Variants in MAP3K8 observed in about 807,000 individuals in gnomAD.
The protein encoded by MAP3K8 is mitogen-activated protein kinase kinase kinase 8, also known as Ewing sarcoma transformant.
MAP3K8 carries 22 observed loss-of-function variants against 45.8 expected under a neutral mutation model. The observed-to-expected ratio is 0.48, with a 90% confidence interval of 0.34 to 0.69. The LOEUF is 0.69. MAP3K8 is among the 30% of genes least tolerant of loss of function. MAP3K8 has a pLI of 0.01. For synonymous variants in MAP3K8, 223 were observed against 214.3 expected, an observed-to-expected ratio of 1.04 and a Z score of -0.36; for missense variants, 419 against 585.0, an observed-to-expected ratio of 0.72 and a Z score of 2.93.
At chr10:30,437,041 T>C in intron 1 of MAP3K8, 135 bp from the exon 2 acceptor site, 2 of 271,644 alleles carry the variant, frequency 7.4e-6, no homozygotes, top group Non-Finnish European at 1.1e-5. Context: ...TGAATCACAA[T>C]CTCCCTCGAA....
intron 1 of MAP3K8, among the ~76,000 whole-genome samples, chr10:30,436,441 A>G (rs949816882): frequency 6.6e-6 from 1 of 151,126 alleles, no homozygotes; most frequent in Non-Finnish European, 1.5e-5. Context: ...AGCGTCAGAC[A>G]CTCCTCCACC....
chr10:30,455,320 A>G (rs2132825736), intron 6 of MAP3K8, among the ~76,000 whole-genome samples: 1 of 152,360 alleles, frequency 6.6e-6, no homozygotes, highest in South Asian at 2.1e-4. Context: ...AGGAGATCTA[A>G]TTAGTCAACT....
Position 30,459,501 on chromosome 10 carries a change from G to A in MAP3K8, c.1273G>A (p.Asp425Asn). ...KELELPENIA[D>N]SSCTGSTEES... ...GCTGGAACTTCCTGAGAACATTGCT[G>A]GTAGGGACACCCTGCTGTGTGCCGC... Residue 425 changes from aspartate (D) to asparagine (N), a missense_variant and splice_region_variant, in exon 8 of 9, where the codon GAT (aspartate) becomes AAT (asparagine). By Grantham distance (23) the Asp-to-Asn change is conservative. Coordinates refer to ENST00000263056, the MANE Select transcript of MAP3K8 (RefSeq NM_005204.4). The A allele has an allele frequency of 1.2e-6, 2 of 1,613,406 alleles. No individual in the cohort carries two copies. Among genetic ancestry groups the A allele is most frequent in the Non-Finnish European group, 1.7e-6 (2 of 1,179,946 alleles).
chr10:30,448,276 G>A (rs1193333607), intron 4 of MAP3K8, among the ~76,000 whole-genome samples: 2 of 152,104 alleles, frequency 1.3e-5, no homozygotes, highest in African/African-American at 4.8e-5. Flanking sequence ...GCAATTCTCT[G>A]TGCTTCTCCT....
Position 30,458,272 on chromosome 10 carries a change from G to GGA in MAP3K8, c.1026+37_1026+38insAG, listed in dbSNP as rs753493659. 4.2e-5 allele frequency: 57 copies of GGA among 1,365,478 alleles called. 4 individuals carry two copies. In the South Asian group the frequency reaches 4.6e-4, roughly 11 times the overall value. 84.6% of individuals were successfully genotyped at this position (1,365,478 alleles called of 1,614,324 possible). A position where few individuals can be genotyped will look rare whatever the true frequency, so the allele number is the denominator to read the frequency against. ...TTCAACCAGGGCTGGGGGCGGCGGG[G>GGA]GGGGGCGTTGAGTTATGCATCCCGC... On this transcript the variant is annotated intron_variant, in intron 7 of 8. Coordinates refer to ENST00000263056, the MANE Select transcript of MAP3K8 (RefSeq NM_005204.4).
chr10:30,459,110 C>G (rs1836843759), intron 7 of MAP3K8, 145 bp from the exon 8 acceptor site: 1 of 796,204 alleles, frequency 1.3e-6, no homozygotes, highest in Non-Finnish European at 2.0e-6. Context: ...TAAAGGGAAG[C>G]TTGCTTGCTT....
chr10:30,441,217 C>T (rs187450318), intron 3 of MAP3K8, among the ~76,000 whole-genome samples: 7 of 150,938 alleles, frequency 4.6e-5, no homozygotes, highest in South Asian at 2.1e-4. Flanking sequence ...AGTGCCGTGG[C>T]GCAATCTTGG....
intron 4 of MAP3K8, among the ~76,000 whole-genome samples, chr10:30,448,815 C>G (rs910650162): frequency 4.6e-5 from 7 of 152,128 alleles, no homozygotes; most frequent in African/African-American, 1.4e-4. Flanking sequence ...ATTCACACCC[C>G]CTATGACTCA....
chr10:30,451,789 A>C, intron 6 of MAP3K8, 45 bp downstream of exon 6: 1 of 1,081,894 alleles, frequency 9.2e-7, no homozygotes. Context: ...ATTAAGAATA[A>C]AAAGGAAAAA....
chr10:30,446,035 C>A (rs1304382418), intron 3 of MAP3K8, among the ~76,000 whole-genome samples: 1 of 149,268 alleles, frequency 6.7e-6, no homozygotes, highest in Admixed American at 6.8e-5. Context: ...GTCACATTCC[C>A]TTCAGCGGCT....
chr10:30,450,113 TG>T, intron 4 of MAP3K8, 144 bp from the exon 5 acceptor site: 1 of 609,906 alleles, frequency 1.6e-6, no homozygotes, highest in Non-Finnish European at 2.7e-6. Context: ...TGAACATTAT[TG>T]TAACTGGGCA....
chr10:30,435,602 G>T (rs567329526), intron 1 of MAP3K8, among the ~76,000 whole-genome samples: 1 of 152,270 alleles, frequency 6.6e-6, no homozygotes, highest in Non-Finnish European at 1.5e-5. Flanking sequence ...GCCCAGGCTG[G>T]AGCGCAATGG....
At chr10:30,435,237 A>C (rs2132770384) in intron 1 of MAP3K8, among the ~76,000 whole-genome samples, 1 of 152,328 alleles carries the variant, frequency 6.6e-6, no homozygotes, top group South Asian at 2.1e-4. Flanking sequence ...AGGCTCTTGC[A>C]GTTGCTTTAC....
At chr10:30,440,768 T>C (rs1256035562) in intron 3 of MAP3K8, among the ~76,000 whole-genome samples, 1 of 152,250 alleles carries the variant, frequency 6.6e-6, no homozygotes, top group Non-Finnish European at 1.5e-5. Context: ...TTTCTCTCAT[T>C]TTTAACGTAT....
chr10:30,438,430 G>A (rs893277875), intron 2 of MAP3K8, among the ~76,000 whole-genome samples: 1 of 152,168 alleles, frequency 6.6e-6, no homozygotes, highest in African/African-American at 2.4e-5. Flanking sequence ...TATTTGCCAA[G>A]TTAGCTCCTG....
In MAP3K8 at chr10:30,458,179, C is replaced by T. The variant is rs529249357; in HGVS notation, c.969C>T (p.Gly323=). ...CCACGCTCATCCACATGCAGACGGGCACCCCACCCTGGGTGAAGCGCTACC... is the reference window on the plus strand; with the variant it reads ...CCACGCTCATCCACATGCAGACGGGTACCCCACCCTGGGTGAAGCGCTACC... ...LGATLIHMQT[G]TPPWVKRYPR... Residue 323 remains glycine, a synonymous_variant, in exon 7 of 9, where the codon GGC becomes GGT. Transcript: ENST00000263056. 1.4e-5 allele frequency: 22 copies of T among 1,593,998 alleles called. No homozygotes were observed. The East Asian group carries it at 4.4e-4, about 32-fold the overall frequency.
At position 30,437,281 on chromosome 10, in the gene MAP3K8, CAGTACTT is replaced by C; in HGVS notation, c.-148_-142del. 1.0e-6 allele frequency: 1 copy of C among 985,356 alleles called. No homozygotes were observed. Among genetic ancestry groups the C allele is most frequent in the Non-Finnish European group, 1.2e-6 (1 of 829,912 alleles). The allele number at this position is 985,356 out of a possible 1,614,324, so 61.0% of individuals were successfully genotyped here. ...TATCTGCAAAGCCAGGAGTCTGACT[CAGTACTT>C]TTCTCACTCATGCATACAAAGCAGC... On this transcript the variant is annotated 5_prime_UTR_variant, in exon 2 of 9. Coordinates refer to ENST00000263056, the MANE Select transcript of MAP3K8 (RefSeq NM_005204.4).
chr10:30,450,605 C>A (rs747001532), intron 5 of MAP3K8, 86 bp downstream of exon 5: 6 of 1,293,610 alleles, frequency 4.6e-6, no homozygotes, highest in Admixed American at 3.6e-5. Flanking sequence ...AATCTGAAGA[C>A]CCTCCATGGA....
chr10:30,453,793 C>T (rs1160600098), intron 6 of MAP3K8, among the ~76,000 whole-genome samples: 2 of 150,632 alleles, frequency 1.3e-5, no homozygotes, highest in Non-Finnish European at 2.9e-5. Context: ...TTCGAAAGGC[C>T]AAGGAGGTGG....
Sources: gnomAD v4.1 joint callset for allele counts (sites outside exome capture counted in the v4.1 genomes callset) on GRCh38, gnomAD v4.1.1 for gene constraint, MANE v1.5 for transcripts, NCBI Gene and HGNC (gene_info 2026-07-23, HGNC 2026-07-21) for gene names.